BIRC6: variants seen among roughly 807,000 people sequenced by gnomAD.
BIRC6 encodes baculoviral IAP repeat containing 6, also known as dual E2 ubiquitin-conjugating enzyme/E3 ubiquitin-protein ligase BIRC6.
Under a neutral mutation model 503.3 loss-of-function variants are expected in BIRC6, and 98 were observed. The observed-to-expected ratio is 0.19, with a 90% confidence interval of 0.17 to 0.23. The LOEUF (loss-of-function observed/expected upper bound fraction) is 0.23, where lower values mean the gene tolerates loss of function less well. Ranked by LOEUF, BIRC6 falls within the 10% of genes least tolerant of loss-of-function variation. BIRC6 has a pLI of 1.00. For missense variants in BIRC6, 5,360 were observed against 5,806.0 expected, an observed-to-expected ratio of 0.92 and a Z score of 2.50; for synonymous variants, 2,240 against 2,078.7, an observed-to-expected ratio of 1.08 and a Z score of -2.11.
chr2:32,445,281 C>A (rs1231204970), intron 20 of BIRC6, among the ~76,000 whole-genome samples: 1 of 152,182 alleles, frequency 6.6e-6, no homozygotes, highest in Non-Finnish European at 1.5e-5. Flanking sequence ...ATAAAACTCT[C>A]CAGAAATATT....
chr2:32,575,044 A>C, intron 65 of BIRC6, 112 bp from the exon 66 acceptor site: 10 of 1,150,432 alleles, frequency 8.7e-6, no homozygotes, highest in Non-Finnish European at 1.1e-5. Context: ...CAGCGTGCCC[A>C]GCCGGGTCAG....
intron 1 of BIRC6, among the ~76,000 whole-genome samples, chr2:32,370,882 T>C (rs1369048802): frequency 1.3e-5 from 2 of 152,068 alleles, no homozygotes; most frequent in Non-Finnish European, 2.9e-5. Context: ...AGTTTTACAG[T>C]GTATTGTCAG....
intron 59 of BIRC6, chr2:32,527,705 T>TA (rs2056390051): frequency 6.6e-6 from 1 of 152,536 alleles, no homozygotes; most frequent in East Asian, 1.9e-4. Context: ...CTTACATATG[T>TA]AAAAAATATA....
intron 66 of BIRC6, among the ~76,000 whole-genome samples, chr2:32,579,058 G>A (rs946408715): frequency 6.7e-5 from 7 of 104,522 alleles, no homozygotes; most frequent in South Asian, 2.6e-4. Context: ...ATATATATAT[G>A]TATACCTAAT....
chr2:32,597,889 C>T lies in BIRC6; in HGVS notation c.13751C>T (p.Thr4584Met), dbSNP rs923577170. 2 of 1,613,892 alleles carry T rather than the reference C, an allele frequency of 1.2e-6. No individual in the cohort carries two copies. The highest frequency in any genetic ancestry group is 1.6e-4 in the Middle Eastern group (1 of 6,062). The change falls in exon 69 of 74, where the codon ACG (threonine) becomes ATG (methionine). Residue 4584 changes from threonine to methionine, a missense_variant. Physicochemically the swap from Thr to Met is moderately conservative, Grantham distance 81 (BLOSUM62 -1). Transcript: ENST00000421745. ...RARRLAQEAV[T>M]LSTSLPLSSS... The stretch of plus-strand genomic sequence containing the variant: ...CGCCGCCTTGCCCAGGAAGCTGTGA[C>T]GCTTTCAACCTCACTGCCTCTGTCT...
At chr2:32,366,811 C>T (rs964301453) in intron 1 of BIRC6, among the ~76,000 whole-genome samples, 2 of 149,844 alleles carry the variant, frequency 1.3e-5, no homozygotes, top group African/African-American at 2.5e-5. Flanking sequence ...AGTGAGACCC[C>T]GTCTCTACAA....
chr2:32,529,939 T>A (rs2056592570), intron 60 of BIRC6, 115 bp downstream of exon 60: 1 of 645,238 alleles, frequency 1.5e-6, no homozygotes, highest in Non-Finnish European at 2.2e-6. Flanking sequence ...AAGATATAAT[T>A]TTTTTATGAC....
chr2:32,513,839 GT>G lies in BIRC6; in HGVS notation c.10568+686del, dbSNP rs561358741. Among the ~76,000 whole-genome samples the G allele has an allele frequency of 1.1e-3, 166 of 151,982 alleles. 1 individual carries two copies. The Middle Eastern group carries it at 0.017, about 16-fold the overall frequency. On this transcript the variant is annotated intron_variant, in intron 54 of 73. Transcript: ENST00000421745. ...CAGGAGGATCACTTGAACCTGGGAGGTGGAGGTTGCAGTGTGCTAAGATTGC... is the reference window on the plus strand; with the variant it reads ...CAGGAGGATCACTTGAACCTGGGAGGGGAGGTTGCAGTGTGCTAAGATTGC...
intron 1 of BIRC6, among the ~76,000 whole-genome samples, chr2:32,368,412 C>T (rs373935119): frequency 2.0e-5 from 3 of 151,880 alleles, no homozygotes; most frequent in African/African-American, 7.3e-5. Context: ...TGGTGGTGTG[C>T]CCCTGTAATC....
intron 71 of BIRC6, 135 bp from the exon 72 acceptor site, chr2:32,607,320 A>T (rs578063437): frequency 5.7e-4 from 351 of 612,526 alleles, no homozygotes; most frequent in Non-Finnish European, 7.6e-4. Context: ...TGTTATAATC[A>T]TAAACATTGA....
intron 44 of BIRC6, among the ~76,000 whole-genome samples, chr2:32,492,445 G>A (rs1186439466): frequency 1.3e-5 from 2 of 152,020 alleles, no homozygotes; most frequent in Non-Finnish European, 2.9e-5. Flanking sequence ...AGTTAGATTG[G>A]GACAGGGTTT....
chr2:32,572,765 G>A (rs1483851079), intron 65 of BIRC6, among the ~76,000 whole-genome samples: 1 of 152,178 alleles, frequency 6.6e-6, no homozygotes, highest in Non-Finnish European at 1.5e-5. Context: ...AAGAATGGCA[G>A]TCATACTACC....
chr2:32,510,565 T>A lies in BIRC6; in HGVS notation c.10277T>A (p.Leu3426His), dbSNP rs548009269. The change falls in exon 53 of 74, where the codon CTC (leucine) becomes CAC (histidine). Residue 3426 changes from leucine (L) to histidine (H), a missense_variant. This residue lies in a region of BIRC6 where 878 missense variants were observed against 928.9 expected (regional missense o/e 0.95). Transcript: ENST00000421745. ...TTACTTTTTGGAAGACTAAATGGACTCTCTTCTGACTCTACGATAGATATT... is the reference window on the plus strand; with the variant it reads ...TTACTTTTTGGAAGACTAAATGGACACTCTTCTGACTCTACGATAGATATT... ...SPLLFGRLNG[L>H]SSDSTIDILY... is the part of the protein sequence containing the mutation. 6.2e-7 allele frequency: 1 copy of A among 1,609,746 alleles called. No homozygotes were observed. Among genetic ancestry groups the A allele is most frequent in the Non-Finnish European group, 8.5e-7 (1 of 1,176,140 alleles).
chr2:32,572,800 G>A (rs1353616080), intron 65 of BIRC6, among the ~76,000 whole-genome samples: 1 of 152,160 alleles, frequency 6.6e-6, no homozygotes, highest in Non-Finnish European at 1.5e-5. Flanking sequence ...ATCACTGGAA[G>A]GTGTAAAATG....
intron 1 of BIRC6, among the ~76,000 whole-genome samples, chr2:32,371,509 G>A (rs928735082): frequency 1.3e-5 from 2 of 151,760 alleles, no homozygotes; most frequent in Non-Finnish European, 2.9e-5. Flanking sequence ...CGAGCAGCTG[G>A]GACTACAGGT....
At chr2:32,515,799 G>A in intron 55 of BIRC6, 29 bp downstream of exon 55, 1 of 1,553,774 alleles carries the variant, frequency 6.4e-7, no homozygotes, top group South Asian at 1.2e-5. Context: ...TTACATTTTA[G>A]TTGTTTTATT....
intron 4 of BIRC6, among the ~76,000 whole-genome samples, chr2:32,389,431 A>AT (rs1159909527): frequency 6.6e-6 from 1 of 151,874 alleles, no homozygotes; most frequent in Admixed American, 6.6e-5. Flanking sequence ...TGAGTTAACA[A>AT]TTTTTTATGC....
chr2:32,615,302 T>G (rs998452698), intron 73 of BIRC6, among the ~76,000 whole-genome samples: 1 of 152,166 alleles, frequency 6.6e-6, no homozygotes, highest in Non-Finnish European at 1.5e-5. Context: ...GATTGCCAGA[T>G]TTTTCTTTCT....
chr2:32,426,138 C>T (rs2043464015), intron 10 of BIRC6, among the ~76,000 whole-genome samples: 2 of 152,164 alleles, frequency 1.3e-5, no homozygotes, highest in South Asian at 4.1e-4. Context: ...ATCACTGGTC[C>T]CCGTGTTGAT....
Sources: allele counts gnomAD v4.1 joint callset (sites outside exome capture counted in the v4.1 genomes callset), GRCh38; gene constraint gnomAD v4.1.1; regional missense constraint gnomAD v4.1.1; transcripts MANE v1.5; gene names NCBI Gene and HGNC (gene_info 2026-07-23, HGNC 2026-07-21).